Variants in AFAP1 observed in about 807,000 individuals in gnomAD.
AFAP1 encodes actin filament-associated protein 1.
AFAP1 carries 75 observed loss-of-function variants against 93.9 expected under a neutral mutation model. The observed-to-expected ratio is 0.80, with a 90% CI of 0.66 to 0.97. The LOEUF (loss-of-function observed/expected upper bound fraction) is 0.97. AFAP1 is among the 50% of genes least tolerant of loss of function. The pLI, the probability that AFAP1 is intolerant of heterozygous loss-of-function variation, is 0.00. For missense variants in AFAP1, 1,201 were observed against 1,050.8 expected, an observed-to-expected ratio of 1.14 and a Z score of -1.98; for synonymous variants, 517 against 430.7, an observed-to-expected ratio of 1.20 and a Z score of -2.48.
chr4:7,846,342 T>C (rs1713697511), intron 4 of AFAP1, among the ~76,000 whole-genome samples: 1 of 152,176 alleles, frequency 6.6e-6, no homozygotes. Context: ...ACAGTAAGCG[T>C]GGCTAGAACA....
chr4:7,931,126 C>T (rs1298451779), intron 1 of AFAP1, among the ~76,000 whole-genome samples: 1 of 152,122 alleles, frequency 6.6e-6, no homozygotes, highest in Non-Finnish European at 1.5e-5. Context: ...GGGTAAGCCA[C>T]CTGAGTCCTT....
chr4:7,797,810 T>C (rs879817415), intron 10 of AFAP1, among the ~76,000 whole-genome samples: 1 of 152,102 alleles, frequency 6.6e-6, no homozygotes, highest in Non-Finnish European at 1.5e-5. Flanking sequence ...TCAAAGTATT[T>C]AGGGATAAAA....
intron 1 of AFAP1, among the ~76,000 whole-genome samples, chr4:7,935,875 C>A (rs1341084603): frequency 6.6e-6 from 1 of 152,152 alleles, no homozygotes; most frequent in African/African-American, 2.4e-5. Context: ...TTCATTTAAT[C>A]CACATAAAAA....
At chr4:7,789,120 C>G (rs1044070729) in intron 11 of AFAP1, 1 of 152,440 alleles carries the variant, frequency 6.6e-6, no homozygotes, top group Non-Finnish European at 1.5e-5. Context: ...AGAGAGGGAC[C>G]TGGCCCAGTG....
Position 7,763,574 on chromosome 4 carries a change from A to T in AFAP1, c.*191T>A. The T allele has an allele frequency of 1.7e-6, 1 of 597,312 alleles. No individual in the cohort carries two copies. The highest frequency in any genetic ancestry group is 2.8e-6 in the Non-Finnish European group (1 of 350,898). 37.0% of individuals were successfully genotyped at this position (597,312 alleles called of 1,614,324 possible). On this transcript the variant is annotated 3_prime_UTR_variant, in exon 18 of 18. Coordinates refer to ENST00000420658, the MANE Select transcript of AFAP1 (RefSeq NM_001134647.2). ...GGAACCAAAGTCTTACATCTTTTTT[A>T]AAGGCGCCATTTTACAGTAGAAAGA... is the stretch of plus-strand genomic sequence containing the variant.
At chr4:7,924,479 T>C (rs1057001774) in intron 1 of AFAP1, among the ~76,000 whole-genome samples, 1 of 152,214 alleles carries the variant, frequency 6.6e-6, no homozygotes, top group South Asian at 2.1e-4. Flanking sequence ...TAGGTACTAT[T>C]GTTGAAGATT....
rs116108788 is a variant in AFAP1 at position 7,858,432 on chromosome 4, C to T, written c.226-2858G>A. 4.8e-3 allele frequency among the ~76,000 whole-genome samples: 737 copies of T among 152,238 alleles called. 4 individuals carry two copies. The highest frequency in any genetic ancestry group is 0.015 in the African/African-American group (638 of 41,532). ...CTCAAATACCACTTATCCTTGAAAT[C>T]GGCCACAGGGGTTTCAGACACTTCA... On this transcript the variant is annotated intron_variant, in intron 3 of 17. Coordinates refer to ENST00000420658, the MANE Select transcript of AFAP1 (RefSeq NM_001134647.2).
chr4:7,835,424 A>G (rs1386503250), intron 6 of AFAP1, among the ~76,000 whole-genome samples: 13 of 104,858 alleles, frequency 1.2e-4, no homozygotes, highest in Non-Finnish European at 2.2e-4. Flanking sequence ...GGGCTGCCTT[A>G]CAGTTACCTG....
rs567261113 is a variant in AFAP1, at chr4:7,901,430, A to T, written c.-2-29350T>A. On this transcript the variant is annotated intron_variant, in intron 1 of 17. Coordinates refer to ENST00000420658, the MANE Select transcript of AFAP1 (RefSeq NM_001134647.2). ...CAGCATGTTGGCTCTCACTGTGCGG[A>T]ATTACATACTTCCGGTGCTAAATGA... Among the ~76,000 whole-genome samples, 17 of 152,334 alleles carry T rather than the reference A, an allele frequency of 1.1e-4. No homozygotes were observed. In the South Asian group the frequency reaches 3.5e-3, roughly 32 times the overall value.
chr4:7,787,149 C>T (rs893468192), intron 11 of AFAP1, among the ~76,000 whole-genome samples: 4 of 152,240 alleles, frequency 2.6e-5, no homozygotes, highest in Non-Finnish European at 5.9e-5. Flanking sequence ...GGGAAACCAA[C>T]CCTGTGATTA....
At chr4:7,853,021 G>A (rs1375270623) in intron 4 of AFAP1, among the ~76,000 whole-genome samples, 1 of 152,154 alleles carries the variant, frequency 6.6e-6, no homozygotes, top group Non-Finnish European at 1.5e-5. Flanking sequence ...AGCGTGCGCT[G>A]CTCGTCTCTA....
At chr4:7,887,722 T>C (rs553671272) in intron 1 of AFAP1, among the ~76,000 whole-genome samples, 4 of 140,314 alleles carry the variant, frequency 2.9e-5, no homozygotes, top group Admixed American at 2.8e-4. Flanking sequence ...ATGGTTTCAG[T>C]ATTTTCTTAG....
Position 7,786,432 on chromosome 4 carries a change from A to T in AFAP1, c.1413-121T>A, listed in dbSNP as rs569074238. 130 of 775,652 alleles carry T rather than the reference A, an allele frequency of 1.7e-4. No homozygotes were observed. In the South Asian group the frequency reaches 2.1e-3, roughly 13 times the overall value. The allele number at this position is 775,652 out of a possible 1,614,324, so 48.0% of individuals were successfully genotyped here. On this transcript the variant is annotated intron_variant, in intron 11 of 17. Transcript: ENST00000420658. ...ATGTCAGAGGTCACAGGGGCAGAGA[A>T]GAAATACTAGACAGAATCTCGGCAG...
chr4:7,915,206 C>G (rs73214041), intron 1 of AFAP1, among the ~76,000 whole-genome samples: 31 of 149,888 alleles, frequency 2.1e-4, no homozygotes, highest in African/African-American at 6.0e-4. Flanking sequence ...TACATTCCCC[C>G]CTACGGTGCG....
rs933635790 is a variant in AFAP1, at chr4:7,762,140, A to G, written c.*1625T>C. 6.6e-6 allele frequency: 1 copy of G among 152,248 alleles called. No homozygotes were observed. The highest frequency in any genetic ancestry group is 1.9e-4 in the East Asian group (1 of 5,200). 9.4% of individuals were successfully genotyped at this position (152,248 alleles called of 1,614,324 possible). Reference sequence around the variant, plus strand: ...TGGGAGACCGCTTTCCGCTTCAGTAATCCAACGTGGCCCTTGCAGGCCTCA... The same window carrying G: ...TGGGAGACCGCTTTCCGCTTCAGTAGTCCAACGTGGCCCTTGCAGGCCTCA... On this transcript the variant is annotated 3_prime_UTR_variant, in exon 18 of 18. Transcript: ENST00000420658.
rs1230029727 is a variant in AFAP1, at chr4:7,775,001, C to T, written c.1898-98G>A. 3.6e-6 allele frequency: 5 copies of T among 1,390,280 alleles called. 1 individual carries two copies. The highest frequency in any genetic ancestry group is 4.1e-4 in the Middle Eastern group (2 of 4,840). The allele number at this position is 1,390,280 out of a possible 1,614,324, so 86.1% of individuals were successfully genotyped here. The stretch of plus-strand genomic sequence containing the variant: ...CACAAAAAATACAAAATTAGCCAGG[C>T]ATGGCGGCACATGCCTATAGTCCCA... On this transcript the variant is annotated intron_variant, in intron 14 of 17. Transcript: ENST00000420658.
At chr4:7,896,484 A>T (rs1718776001) in intron 1 of AFAP1, among the ~76,000 whole-genome samples, 1 of 151,780 alleles carries the variant, frequency 6.6e-6, no homozygotes, top group Non-Finnish European at 1.5e-5. Context: ...TTCTCAAGTC[A>T]CTTGATGACA....
chr4:7,886,522 A>C (rs937799514), intron 1 of AFAP1, among the ~76,000 whole-genome samples: 1 of 152,316 alleles, frequency 6.6e-6, no homozygotes, highest in Admixed American at 6.5e-5. Flanking sequence ...GGTCCTGGGA[A>C]TGTTCCTTTC....
At chr4:7,782,000 G>A (rs573242884) in intron 12 of AFAP1, among the ~76,000 whole-genome samples, 90 of 152,178 alleles carry the variant, frequency 5.9e-4, no homozygotes, top group Non-Finnish European at 1.1e-3. Context: ...AGAACCTGGG[G>A]TTCAGAAGTT....
Sources: gnomAD v4.1 joint callset for allele counts (sites outside exome capture counted in the v4.1 genomes callset) on GRCh38, gnomAD v4.1.1 for gene constraint, MANE v1.5 for transcripts, NCBI Gene and HGNC (gene_info 2026-07-23, HGNC 2026-07-21) for gene names.